Variants in GLI3 observed in about 807,000 individuals in gnomAD.
GLI3 encodes GLI family zinc finger 3, also known as transcription activator GLI3.
In GLI3, 20 loss-of-function variants were observed where a neutral mutation model predicts 100.8. The observed-to-expected ratio is 0.20, with a 90% CI of 0.14 to 0.29. The LOEUF is 0.29. Among genes scored for constraint, GLI3 ranks in the 10% least tolerant of loss-of-function variants. The pLI, the probability that GLI3 is intolerant of heterozygous loss-of-function variation, is 1.00. For missense variants in GLI3, 2,040 were observed against 2,128.5 expected, an observed-to-expected ratio of 0.96 and a Z score of 0.82; for synonymous variants, 938 against 860.5, an observed-to-expected ratio of 1.09 and a Z score of -1.58.
At chr7:42,238,684 G>T (rs576857826), upstream of GLI3, among the ~76,000 whole-genome samples, 4 of 151,868 alleles carry the variant, frequency 2.6e-5, no homozygotes, top group East Asian at 3.9e-4. Flanking sequence ...CTCCTTCCTC[G>T]ACCATCCAGT....
Position 41,967,769 on chromosome 7 carries a change from G to A in GLI3, c.2258C>T (p.Thr753Ile), listed in dbSNP as rs2128707125. 1 of 1,614,210 alleles carries A rather than the reference G, an allele frequency of 6.2e-7. No homozygotes were observed. Among genetic ancestry groups the A allele is most frequent in the Non-Finnish European group, 8.5e-7 (1 of 1,180,050 alleles). The change falls in exon 14 of 15, where the codon ACC (threonine) becomes ATC (isoleucine). Residue 753 changes from threonine (T) to isoleucine (I), a missense_variant. Thr to Ile is a moderately conservative substitution (Grantham distance 89). Around this residue, in one of 5 missense-constraint regions of GLI3, gnomAD observed 327 missense variants for 338.7 expected, o/e 0.97. Transcript: ENST00000395925. The part of the protein sequence containing the change: ...AIDETPIMDS[T>I]ISTATTALAL... ...AAGGGCTGTGGTTGCAGTGGAAATG[G>A]TTGAGTCCATGATTGGGGTTTCATC... is the stretch of plus-strand genomic sequence containing the variant.
intron 7 of GLI3, among the ~76,000 whole-genome samples, chr7:42,038,370 C>T (rs188388089): frequency 6.6e-6 from 1 of 151,044 alleles, no homozygotes; most frequent in Non-Finnish European, 1.5e-5. Context: ...TCTCATCCTG[C>T]CATTGCAGAT....
intron 3 of GLI3, among the ~76,000 whole-genome samples, chr7:42,120,612 A>C (rs1236768163): frequency 6.6e-6 from 1 of 152,244 alleles, no homozygotes; most frequent in Admixed American, 6.5e-5. Flanking sequence ...GTAGAGGGGA[A>C]TAAAGTGCTT....
At chr7:42,186,091 A>G (rs952212862) in intron 2 of GLI3, among the ~76,000 whole-genome samples, 2 of 152,182 alleles carry the variant, frequency 1.3e-5, no homozygotes, top group Non-Finnish European at 1.5e-5. Flanking sequence ...TGAGAACCAA[A>G]TAGCGAACTT....
intron 3 of GLI3, among the ~76,000 whole-genome samples, chr7:42,086,343 C>T (rs1785101075): frequency 6.6e-6 from 1 of 152,144 alleles, no homozygotes; most frequent in African/African-American, 2.4e-5. Context: ...AACCAGGGCT[C>T]TTAGACATTC....
At chr7:42,222,454 T>C (rs950315398) in intron 2 of GLI3, among the ~76,000 whole-genome samples, 2 of 152,170 alleles carry the variant, frequency 1.3e-5, no homozygotes, top group African/African-American at 4.8e-5. Context: ...CATTAACATA[T>C]TCAGTCTGTT....
At chr7:42,026,650 G>A (rs1453686498) in intron 7 of GLI3, among the ~76,000 whole-genome samples, 2 of 152,124 alleles carry the variant, frequency 1.3e-5, no homozygotes, top group African/African-American at 2.4e-5. Context: ...CTGCAAAAAC[G>A]GAAATAAAAG....
At chr7:42,235,469 T>C (rs192093411) in intron 1 of GLI3, among the ~76,000 whole-genome samples, 188 of 152,258 alleles carry the variant, frequency 1.2e-3, no homozygotes, top group African/African-American at 4.3e-3. Flanking sequence ...AAGCTGAAAC[T>C]CTTTTATTTT....
chr7:42,082,642 A>G (rs1186460128), intron 3 of GLI3, among the ~76,000 whole-genome samples: 1 of 152,170 alleles, frequency 6.6e-6, no homozygotes, highest in Admixed American at 6.5e-5. Context: ...ATGTGGGGTT[A>G]GAAACTCCTC....
intron 2 of GLI3, chr7:42,151,512 C>T (rs1467454368): frequency 6.6e-6 from 1 of 152,192 alleles, no homozygotes; most frequent in Non-Finnish European, 1.5e-5. Flanking sequence ...GACAGAAACA[C>T]ACTGTCCACC....
intron 3 of GLI3, among the ~76,000 whole-genome samples, chr7:42,096,893 A>G (rs1304866628): frequency 1.3e-5 from 2 of 152,192 alleles, no homozygotes; most frequent in African/African-American, 4.8e-5. Context: ...AAACACTTGG[A>G]GGCTGTGCTG....
At position 41,980,724 on chromosome 7, in the gene GLI3, A is replaced by G. The variant is rs79100274; in HGVS notation, c.1498-1976T>C. Among the ~76,000 whole-genome samples, 523 of 152,224 alleles carry G rather than the reference A, an allele frequency of 3.4e-3. 5 individuals carry two copies. Among genetic ancestry groups the G allele is most frequent in the African/African-American group, 0.012 (509 of 41,534 alleles). On this transcript the variant is annotated intron_variant, in intron 10 of 14. Coordinates refer to ENST00000395925, the MANE Select transcript of GLI3 (RefSeq NM_000168.6). ...GGTAAAATTGGGAAACTGAATTATA[A>G]TTTGTGCTGAGCCAACTGCTTAAGG... is the stretch of plus-strand genomic sequence containing the variant.
chr7:42,007,500 C>A (rs780671943), intron 10 of GLI3, among the ~76,000 whole-genome samples: 9 of 152,108 alleles, frequency 5.9e-5, no homozygotes, highest in Non-Finnish European at 1.3e-4. Context: ...AAAAGAAGTA[C>A]TTATTGAGGA....
At position 41,975,933 on chromosome 7, in the gene GLI3, T is replaced by A. The variant is rs566485773; in HGVS notation, c.1812+1625A>T. Among the ~76,000 whole-genome samples the A allele has an allele frequency of 3.9e-5, 6 of 152,314 alleles. No individual in the cohort carries two copies. In the East Asian group the frequency reaches 1.2e-3, roughly 29 times the overall value. ...TGTTAAGTCAAAACCCCTTAAAATT[T>A]TAAATTGAAATATAATTCACATGCC... On this transcript the variant is annotated intron_variant, in intron 12 of 14. Coordinates refer to ENST00000395925, the MANE Select transcript of GLI3 (RefSeq NM_000168.6).
intron 2 of GLI3, among the ~76,000 whole-genome samples, chr7:42,165,525 G>T (rs991899923): frequency 3.3e-5 from 5 of 152,162 alleles, no homozygotes; most frequent in Non-Finnish European, 4.4e-5. Flanking sequence ...TAACAAATTA[G>T]TTTAATTTCA....
intron 9 of GLI3, among the ~76,000 whole-genome samples, chr7:42,024,623 A>G (rs943731206): frequency 1.3e-5 from 2 of 152,178 alleles, no homozygotes; most frequent in African/African-American, 4.8e-5. Context: ...TGAGAGCCCT[A>G]TGAGATGATA....
chr7:42,211,333 TG>T (rs1788270475), intron 2 of GLI3, among the ~76,000 whole-genome samples: 1 of 152,244 alleles, frequency 6.6e-6, no homozygotes, highest in Non-Finnish European at 1.5e-5. Context: ...TATAAAACAT[TG>T]TTAGCCTACA....
intron 3 of GLI3, among the ~76,000 whole-genome samples, chr7:42,139,556 G>A (rs1201774233): frequency 6.6e-6 from 1 of 152,138 alleles, no homozygotes. Flanking sequence ...GCACATGCCT[G>A]TAATCCCAGC....
intron 2 of GLI3, among the ~76,000 whole-genome samples, chr7:42,215,930 A>G (rs895369998): frequency 6.6e-6 from 1 of 152,198 alleles, no homozygotes; most frequent in South Asian, 2.1e-4. Flanking sequence ...CCATTCAGAG[A>G]ATACTAACAA....
Sources: gnomAD v4.1 joint callset for allele counts (sites outside exome capture counted in the v4.1 genomes callset) on GRCh38, gnomAD v4.1.1 for gene constraint, gnomAD v4.1.1 regional missense constraint, MANE v1.5 for transcripts, NCBI Gene and HGNC (gene_info 2026-07-23, HGNC 2026-07-21) for gene names.